Variants in TRIP11 observed in about 807,000 individuals in gnomAD.
TRIP11 encodes the protein thyroid receptor-interacting protein 11.
TRIP11 carries 148 observed loss-of-function variants against 223.1 expected under a neutral mutation model. The ratio of observed to expected loss-of-function variants is 0.66; its 90% CI spans 0.58 to 0.76. TRIP11 has a LOEUF of 0.76. TRIP11 is among the 30% of genes least tolerant of loss of function. TRIP11 has a pLI of 0.00. For synonymous variants in TRIP11, 762 were observed against 772.6 expected (o/e 0.99, Z 0.23); for missense variants, 2,043 against 2,222.0 (o/e 0.92, Z 1.62).
At chr14:91,972,605 T>C in intron 20 of TRIP11, 112 bp downstream of exon 20, 1 of 1,126,896 alleles carries the variant, frequency 8.9e-7, no homozygotes, top group South Asian at 1.6e-5. Context: ...CTGGAAGTCC[T>C]GATTACACAT....
intron 9 of TRIP11, among the ~76,000 whole-genome samples, chr14:92,010,023 A>T (rs992645902): frequency 5.9e-5 from 9 of 152,244 alleles, no homozygotes; most frequent in African/African-American, 2.2e-4. Flanking sequence ...TTAGGAATTT[A>T]AATTAAGACA....
In TRIP11 at chr14:91,967,580, T is replaced by C. The variant is rs2056353734; in HGVS notation, c.*2093A>G. ...ACCATGGGATGAGAGGCGGACAAGT[T>C]GTTTTGGTCAGAGAAGGAAATACTC... On this transcript the variant is annotated 3_prime_UTR_variant, in exon 21 of 21. Coordinates refer to ENST00000267622, the MANE Select transcript of TRIP11 (RefSeq NM_004239.4). The C allele has an allele frequency of 5.0e-6, 1 of 201,538 alleles. No individual in the cohort carries two copies. The highest frequency in any genetic ancestry group is 6.0e-5 in the Admixed American group (1 of 16,654). The allele number at this position is 201,538 out of a possible 1,614,324, so 12.5% of individuals were successfully genotyped here.
intron 13 of TRIP11, 82 bp downstream of exon 13, chr14:91,999,158 G>C: frequency 6.9e-7 from 1 of 1,442,644 alleles, no homozygotes. Flanking sequence ...GCAAGGATGA[G>C]CTAACATACA....
intron 4 of TRIP11, 81 bp from the exon 5 acceptor site, chr14:92,017,831 G>T: frequency 4.9e-6 from 6 of 1,216,644 alleles, no homozygotes; most frequent in Non-Finnish European, 7.1e-6. Flanking sequence ...TTCATTACAA[G>T]AATACTTTTG....
At chr14:92,016,536 G>A (rs1416215263) in intron 5 of TRIP11, among the ~76,000 whole-genome samples, 2 of 152,062 alleles carry the variant, frequency 1.3e-5, no homozygotes, top group Non-Finnish European at 2.9e-5. Context: ...GGTTCTTCCA[G>A]TAAATCCTCT....
In TRIP11 at chr14:91,969,438, T is replaced by C. The variant is rs2056373929; in HGVS notation, c.*235A>G. 1.9e-6 allele frequency: 1 copy of C among 532,068 alleles called. No homozygotes were observed. The highest frequency in any genetic ancestry group is 1.9e-5 in the African/African-American group (1 of 53,036). 33.0% of individuals were successfully genotyped at this position (532,068 alleles called of 1,614,324 possible). On this transcript the variant is annotated 3_prime_UTR_variant, in exon 21 of 21. Coordinates refer to ENST00000267622, the MANE Select transcript of TRIP11 (RefSeq NM_004239.4). ...ATTAAGGTAAAAGATAAATTAAATG[T>C]TCCTAGCTTAAATTAGGTCAAATCA...
At chr14:92,025,285 A>G (rs375587597) in intron 3 of TRIP11, 25 bp downstream of exon 3, 2 of 1,514,220 alleles carry the variant, frequency 1.3e-6, no homozygotes, top group Non-Finnish European at 1.8e-6. Flanking sequence ...TGAAGTACAT[A>G]TGAAGTAACT....
chr14:91,987,689 A>C (rs1275217210), intron 16 of TRIP11, among the ~76,000 whole-genome samples: 2 of 152,180 alleles, frequency 1.3e-5, no homozygotes, highest in Admixed American at 6.5e-5. Flanking sequence ...AGGATATGCC[A>C]TCTTTGTCAG....
chr14:92,020,942 C>T (rs2057105567), intron 4 of TRIP11, among the ~76,000 whole-genome samples: 1 of 151,416 alleles, frequency 6.6e-6, no homozygotes, highest in Admixed American at 6.6e-5. Context: ...TGGTGGCACG[C>T]ACCTATAATC....
Position 91,974,628 on chromosome 14 carries a change from C to T in TRIP11, c.5573G>A (p.Ser1858Asn), listed in dbSNP as rs1227848747. Residue 1858 changes from serine (S) to asparagine (N), a missense_variant and splice_region_variant, in exon 19 of 21, where the codon AGT (serine) becomes AAT (asparagine). By Grantham distance (46) the Ser-to-Asn change is conservative. Transcript: ENST00000267622. ...AGCAAGAATAAAATTGTTTCTTACA[C>T]TATTAACCACAGATTGCTGATTTGG... The part of the protein sequence containing the change: ...LRPNQQSVVN[S>N]SFSELFVKFL... 2 of 1,609,336 alleles carry T rather than the reference C, an allele frequency of 1.2e-6. No individual in the cohort carries two copies. The highest frequency in any genetic ancestry group is 2.7e-5 in the African/African-American group (2 of 74,910).
Position 91,967,772 on chromosome 14 carries a change from C to G in TRIP11, c.*1901G>C, listed in dbSNP as rs564926708. ...GAAACTAGTATTTCATTTCTCCACA[C>G]TGAAATGAAATTTCAATGGCAAGCA... On this transcript the variant is annotated 3_prime_UTR_variant, in exon 21 of 21. Coordinates refer to ENST00000267622, the MANE Select transcript of TRIP11 (RefSeq NM_004239.4). The G allele has an allele frequency of 1.5e-5, 3 of 194,580 alleles. No individual in the cohort carries two copies. Among genetic ancestry groups the G allele is most frequent in the African/African-American group, 7.0e-5 (3 of 43,160 alleles). 12.1% of individuals were successfully genotyped at this position (194,580 alleles called of 1,614,324 possible).
At chr14:92,030,258 C>T (rs559027415) in intron 2 of TRIP11, among the ~76,000 whole-genome samples, 40 of 136,616 alleles carry the variant, frequency 2.9e-4, no homozygotes, top group Non-Finnish European at 5.5e-4. Context: ...TTTTTAAGAA[C>T]AAAAAAGAAA....
In TRIP11 at chr14:92,005,673, T is replaced by G. The variant is rs140780067; in HGVS notation, c.2303A>C (p.Asn768Thr). ...TGCTATTTCCATGTCTTTCTTTTGA[T>G]TGAGTTTAATTAAATGCTCATGTTC... ...QLEHEHLIKLNQKKDMEIAEL... is the reference protein window; with the variant it reads ...QLEHEHLIKLTQKKDMEIAEL... Residue 768 changes from asparagine (N) to threonine (T), a missense_variant, in exon 11 of 21, where the codon AAT becomes ACT. Asn to Thr is a moderately conservative substitution (Grantham distance 65). Coordinates refer to ENST00000267622, the MANE Select transcript of TRIP11 (RefSeq NM_004239.4). 6.2e-7 allele frequency: 1 copy of G among 1,613,706 alleles called. No individual in the cohort carries two copies. The highest frequency in any genetic ancestry group is 8.5e-7 in the Non-Finnish European group (1 of 1,180,038).
chr14:92,004,253 C>T lies in TRIP11; in HGVS notation c.3723G>A (p.Gln1241=), dbSNP rs1443972357. The change falls in exon 11 of 21, where the codon CAG becomes CAA. Residue 1241 remains glutamine (Q), a synonymous_variant. Transcript: ENST00000267622. The part of the protein sequence containing the change: ...TVQNMQHESA[Q]LQEELHQLQA... The stretch of plus-strand genomic sequence containing the variant: ...GAAGTTGGTGAAGCTCTTCCTGAAG[C>T]TGGGCTGACTCGTGTTGCATATTTT... The T allele has an allele frequency of 3.1e-6, 5 of 1,614,126 alleles. No homozygotes were observed. Among genetic ancestry groups the T allele is most frequent in the Non-Finnish European group, 4.2e-6 (5 of 1,180,016 alleles).
intron 1 of TRIP11, 109 bp from the exon 2 acceptor site, chr14:92,033,362 G>A: frequency 1.2e-6 from 1 of 827,800 alleles, no homozygotes; most frequent in Non-Finnish European, 2.0e-6. Flanking sequence ...ATAGTAGGCT[G>A]ATATGAAAGC....
rs2140083292 is a variant in TRIP11 at position 91,975,262 on chromosome 14, A to G, written c.5367T>C (p.Ile1789=). The G allele has an allele frequency of 6.2e-7, 1 of 1,613,498 alleles. No individual in the cohort carries two copies. The highest frequency in any genetic ancestry group is 8.5e-7 in the Non-Finnish European group (1 of 1,179,586). ...GATTTTTCGGTGTGTGGAAATGACC[A>G]ATGAAGAGGTTTCTCATTAGGACTC... ...VDKVLMRNLF[I]GHFHTPKNQR... The change falls in exon 18 of 21, where the codon ATT becomes ATC. Residue 1789 remains isoleucine, a synonymous_variant. Coordinates refer to ENST00000267622, the MANE Select transcript of TRIP11 (RefSeq NM_004239.4).
chr14:92,017,678 T>C lies in TRIP11; in HGVS notation c.657+4A>G. The C allele has an allele frequency of 6.2e-7, 1 of 1,607,528 alleles. No homozygotes were observed. On this transcript the variant is annotated splice_donor_region_variant and intron_variant, in intron 5 of 20. Coordinates refer to ENST00000267622, the MANE Select transcript of TRIP11 (RefSeq NM_004239.4). Reference sequence around the variant, plus strand: ...TCCCATCATCAATCAACAATTTGACTTACCTTAATGATATTTTGTAGTTTA... The same window carrying C: ...TCCCATCATCAATCAACAATTTGACCTACCTTAATGATATTTTGTAGTTTA...
At position 91,988,267 on chromosome 14, in the gene TRIP11, A is replaced by G. The variant is rs1388023636; in HGVS notation, c.5260+17T>C. 1 of 1,594,064 alleles carries G rather than the reference A, an allele frequency of 6.3e-7. No individual in the cohort carries two copies. Among genetic ancestry groups the G allele is most frequent in the Non-Finnish European group, 8.6e-7 (1 of 1,165,190 alleles). On this transcript the variant is annotated intron_variant, in intron 16 of 20. Transcript: ENST00000267622. ...TCAGTATTGTAGTGGGGGAAAAATG[A>G]AAAGAAAAAAACCTACTTTGTCTTT...
chr14:92,025,762 C>T (rs2057176917), intron 2 of TRIP11, among the ~76,000 whole-genome samples: 1 of 151,954 alleles, frequency 6.6e-6, no homozygotes, highest in Non-Finnish European at 1.5e-5. Flanking sequence ...TGCCCGTAAT[C>T]CCAGCTACTC....
Sources: gnomAD v4.1 joint callset for allele counts (sites outside exome capture counted in the v4.1 genomes callset) on GRCh38, gnomAD v4.1.1 for gene constraint, MANE v1.5 for transcripts, NCBI Gene and HGNC (gene_info 2026-07-23, HGNC 2026-07-21) for gene names.